Variants in PGM2 observed in about 807,000 individuals in gnomAD.
PGM2 encodes the protein phosphoglucomutase 2.
A neutral mutation model predicts 74.6 loss-of-function variants in PGM2; 57 were observed. The observed-to-expected ratio is 0.76, with a 90% CI of 0.62 to 0.95. PGM2 has a LOEUF of 0.95. PGM2 is among the 40% of genes least tolerant of loss of function. PGM2 has a pLI of 0.00. For synonymous variants in PGM2, 273 were observed against 260.7 expected, an observed-to-expected ratio of 1.05 and a Z score of -0.46; for missense variants, 706 against 741.9, an observed-to-expected ratio of 0.95 and a Z score of 0.56.
intron 12 of PGM2, 141 bp downstream of exon 12, chr4:37,850,514 A>G: frequency 1.9e-6 from 1 of 536,110 alleles, no homozygotes; most frequent in Admixed American, 4.3e-5. Context: ...TAAAAAATAT[A>G]TGGAAGCCGG....
At position 37,837,545 on chromosome 4, in the gene PGM2, G is replaced by A. The variant is rs764489069; in HGVS notation, c.373G>A (p.Ala125Thr). 43 of 1,612,696 alleles carry A rather than the reference G, an allele frequency of 2.7e-5. No homozygotes were observed. Among genetic ancestry groups the A allele is most frequent in the Non-Finnish European group, 3.6e-5 (42 of 1,178,696 alleles). The stretch of plus-strand genomic sequence containing the variant: ...CATTCTCAGGTTTGCCCGACTTGCT[G>A]CAACCACATTTATCAGTCAGGGGAT... ...GSSRRFARLA[A>T]TTFISQGIPV... Residue 125 changes from alanine to threonine, a missense_variant, in exon 4 of 14, where the codon GCA becomes ACA. Ala to Thr is a moderately conservative substitution (Grantham distance 58). Around this residue, in one of 3 missense-constraint regions of PGM2, gnomAD observed 332 missense variants for 334.9 expected, o/e 0.99. Coordinates refer to ENST00000381967, the MANE Select transcript of PGM2 (RefSeq NM_018290.4).
At chr4:37,846,815 C>G (rs1379921626) in intron 8 of PGM2, 116 bp from the exon 9 acceptor site, 1 of 782,394 alleles carries the variant, frequency 1.3e-6, no homozygotes, top group Non-Finnish European at 2.1e-6. Flanking sequence ...CAAGAACAGC[C>G]TTGCAGAAAA....
chr4:37,852,133 CTTTTTTTTTTT>C (rs778968323), intron 12 of PGM2, among the ~76,000 whole-genome samples: 1 of 47,258 alleles, frequency 2.1e-5, no homozygotes. Flanking sequence ...ATGCCCAGCT[CTTTTTTTTTTT>C]TTTTTTTTTT....
At chr4:37,844,315 G>C (rs1725805788) in intron 6 of PGM2, 49 bp from the exon 7 acceptor site, 3 of 1,247,694 alleles carry the variant, frequency 2.4e-6, no homozygotes, top group Admixed American at 4.5e-5. Flanking sequence ...GCAGTTTTGA[G>C]AGCCCTGTTT....
chr4:37,829,691 G>C (rs537190906), intron 1 of PGM2, among the ~76,000 whole-genome samples: 3 of 152,194 alleles, frequency 2.0e-5, no homozygotes, highest in Admixed American at 2.0e-4. Flanking sequence ...GGTATTCTGG[G>C]ATTCCATTCT....
chr4:37,827,618 T>G (rs778352542), intron 1 of PGM2, among the ~76,000 whole-genome samples: 3 of 152,134 alleles, frequency 2.0e-5, no homozygotes, highest in Non-Finnish European at 4.4e-5. Flanking sequence ...CTTCCTTGGC[T>G]CCGAAGCGTT....
rs1169331598 is a variant in PGM2, at chr4:37,861,474, C to A, written c.1737-36C>A. Reference sequence around the variant, plus strand: ...CATTTAAACTGTGCTTTGGAATAATCCCTTGACCTGGATTTTTTTCCCCCT... The same window carrying A: ...CATTTAAACTGTGCTTTGGAATAATACCTTGACCTGGATTTTTTTCCCCCT... On this transcript the variant is annotated intron_variant, in intron 13 of 13. Transcript: ENST00000381967. 2.2e-6 allele frequency: 3 copies of A among 1,389,368 alleles called. No individual in the cohort carries two copies. In the South Asian group the frequency reaches 3.5e-5, roughly 16 times the overall value. The allele number at this position is 1,389,368 out of a possible 1,614,324, so 86.1% of individuals were successfully genotyped here.
chr4:37,857,299 C>T (rs1301551676), intron 13 of PGM2, among the ~76,000 whole-genome samples: 1 of 152,116 alleles, frequency 6.6e-6, no homozygotes, highest in Non-Finnish European at 1.5e-5. Flanking sequence ...ATAGACAAAC[C>T]AAAGCTTTGC....
chr4:37,849,157 C>T lies in PGM2; in HGVS notation c.1412+506C>T, dbSNP rs554813679. Among the ~76,000 whole-genome samples, 6 of 151,856 alleles carry T rather than the reference C, an allele frequency of 4.0e-5. No individual in the cohort carries two copies. In the South Asian group the frequency reaches 6.2e-4, roughly 16 times the overall value. On this transcript the variant is annotated intron_variant, in intron 11 of 13. Transcript: ENST00000381967. ...CAAGTTAGTAATTACTATTCCCGATCGCATTAATTCTTAACAAATGACAAC... is the reference window on the plus strand; with the variant it reads ...CAAGTTAGTAATTACTATTCCCGATTGCATTAATTCTTAACAAATGACAAC...
rs1726000737 is a variant in PGM2 at position 37,850,258 on chromosome 4, AC to A, written c.1489del (p.Leu497SerfsTer48). ...DQETIKKLFE[N>X]LRNYDGKNNY... Reference sequence around the variant, plus strand: ...GAAACCATTAAGAAATTATTTGAAAACCTCAGAAACTACGATGGAAAAAATA... The same window carrying A: ...GAAACCATTAAGAAATTATTTGAAAACTCAGAAACTACGATGGAAAAAATA... On this transcript the variant is annotated frameshift_variant, in exon 12 of 14. Transcript: ENST00000381967. LOFTEE classifies it high-confidence loss of function. 4 of 1,584,902 alleles carry A rather than the reference AC, an allele frequency of 2.5e-6. No individual in the cohort carries two copies. Among genetic ancestry groups the A allele is most frequent in the Non-Finnish European group, 3.4e-6 (4 of 1,170,010 alleles).
intron 13 of PGM2, among the ~76,000 whole-genome samples, chr4:37,856,793 C>G (rs1726215070): frequency 6.6e-6 from 1 of 152,086 alleles, no homozygotes; most frequent in South Asian, 2.1e-4. Context: ...TCCACAGATG[C>G]AATTTTGATT....
At chr4:37,860,740 C>T (rs1711743910) in intron 13 of PGM2, among the ~76,000 whole-genome samples, 1 of 152,138 alleles carries the variant, frequency 6.6e-6, no homozygotes, top group East Asian at 1.9e-4. Flanking sequence ...TTACAGTACT[C>T]ACACTAGGCT....
At chr4:37,850,040 G>A (rs1430523507) in intron 11 of PGM2, 144 bp from the exon 12 acceptor site, 11 of 522,930 alleles carry the variant, frequency 2.1e-5, no homozygotes, top group African/African-American at 8.1e-5. Flanking sequence ...TGCCCGCCTC[G>A]GCCTCACAAA....
chr4:37,830,238 T>A, intron 2 of PGM2, 107 bp downstream of exon 2: 1 of 786,920 alleles, frequency 1.3e-6, no homozygotes, highest in Non-Finnish European at 1.9e-6. Context: ...CCAGCTTGGC[T>A]AGACACAGGA....
At chr4:37,851,495 G>T (rs544330752) in intron 12 of PGM2, among the ~76,000 whole-genome samples, 1 of 149,392 alleles carries the variant, frequency 6.7e-6, no homozygotes, top group East Asian at 2.0e-4. Flanking sequence ...TGTTGGGGTT[G>T]GGGGAGGAAA....
chr4:37,858,540 A>G (rs1188501429), intron 13 of PGM2, among the ~76,000 whole-genome samples: 1 of 149,944 alleles, frequency 6.7e-6, no homozygotes, highest in Non-Finnish European at 1.5e-5. Flanking sequence ...AGTAGAGACA[A>G]GGTTTCATCA....
chr4:37,837,691 G>A, intron 4 of PGM2, 78 bp downstream of exon 4: 3 of 885,618 alleles, frequency 3.4e-6, no homozygotes, highest in Non-Finnish European at 5.8e-6. Context: ...AGTCTTTAGG[G>A]CTATTGGGAT....
At chr4:37,839,394 C>A in intron 4 of PGM2, 4 of 366,790 alleles carry the variant, frequency 1.1e-5, no homozygotes, top group Non-Finnish European at 1.6e-5. Flanking sequence ...GGATTACAGG[C>A]GTGAGACACC....
chr4:37,847,355 TTGGG>T, intron 10 of PGM2, 60 bp downstream of exon 10: 2 of 1,272,352 alleles, frequency 1.6e-6, no homozygotes, highest in Non-Finnish European at 2.3e-6. Flanking sequence ...AAGGTTTGGA[TTGGG>T]ATTCAAAGAT....
Sources: gnomAD v4.1 joint callset for allele counts (sites outside exome capture counted in the v4.1 genomes callset) on GRCh38, gnomAD v4.1.1 for gene constraint, gnomAD v4.1.1 regional missense constraint, MANE v1.5 for transcripts, NCBI Gene and HGNC (gene_info 2026-07-23, HGNC 2026-07-21) for gene names.